MBOAT1: variants seen among roughly 807,000 people sequenced by gnomAD.
The protein encoded by MBOAT1 is membrane-bound glycerophospholipid O-acyltransferase 1.
Under a neutral mutation model 64.4 loss-of-function variants are expected in MBOAT1, and 67 were observed. That is an observed-to-expected ratio of 1.04 (90% CI 0.85 to 1.27). MBOAT1 has a LOEUF of 1.27. Ranked by LOEUF, MBOAT1 falls within the 50% of genes most tolerant of loss-of-function variation. The pLI is 0.00. For missense variants in MBOAT1, 563 were observed against 604.6 expected, an observed-to-expected ratio of 0.93 and a Z score of 0.72; for synonymous variants, 229 against 218.9, an observed-to-expected ratio of 1.05 and a Z score of -0.41.
intron 4 of MBOAT1, among the ~76,000 whole-genome samples, chr6:20,143,792 G>A (rs1381724792): frequency 6.6e-6 from 1 of 152,108 alleles, no homozygotes; most frequent in South Asian, 2.1e-4. Context: ...AACCAACCCT[G>A]AGTTAAGAAC....
At chr6:20,190,143 C>A (rs574071432) in intron 1 of MBOAT1, among the ~76,000 whole-genome samples, 1 of 151,916 alleles carries the variant, frequency 6.6e-6, no homozygotes, top group Non-Finnish European at 1.5e-5. Context: ...TACAGGCACC[C>A]GCCACCATGC....
intron 1 of MBOAT1, among the ~76,000 whole-genome samples, chr6:20,168,086 A>C (rs903119502): frequency 6.6e-6 from 1 of 152,128 alleles, no homozygotes; most frequent in African/African-American, 2.4e-5. Flanking sequence ...TAAATCTAAA[A>C]ACTCAATCAG....
rs181219927 is a variant in MBOAT1 at position 20,169,792 on chromosome 6, G to A, written c.100-17023C>T. 1.7e-3 allele frequency among the ~76,000 whole-genome samples: 262 copies of A among 152,236 alleles called. 1 individual carries two copies. Among genetic ancestry groups the A allele is most frequent in the Middle Eastern group, 0.014 (4 of 294 alleles). Reference sequence around the variant, plus strand: ...CTCCCATCTCTTGATAATTATAGGAGGAAAGAAGGGGGAGGGATTTGTATC... The same window carrying A: ...CTCCCATCTCTTGATAATTATAGGAAGAAAGAAGGGGGAGGGATTTGTATC... On this transcript the variant is annotated intron_variant, in intron 1 of 12. Transcript: ENST00000324607.
At chr6:20,201,230 C>T (rs1166074612) in intron 1 of MBOAT1, among the ~76,000 whole-genome samples, 1 of 151,918 alleles carries the variant, frequency 6.6e-6, no homozygotes, top group African/African-American at 2.4e-5. Flanking sequence ...GCTGGAAGAA[C>T]AGAAACAAAG....
Position 20,101,827 on chromosome 6 carries a change from T to C in MBOAT1, c.*459A>G, listed in dbSNP as rs1759795641. On this transcript the variant is annotated 3_prime_UTR_variant, in exon 13 of 13. Coordinates refer to ENST00000324607, the MANE Select transcript of MBOAT1 (RefSeq NM_001080480.3). ...TCTGTACAAAAAGGCTTTATAAAAA[T>C]ACTCCCGGCCGGGCGCGGTGGCTCA... 6.6e-6 allele frequency among the ~76,000 whole-genome samples: 1 copy of C among 151,868 alleles called. No homozygotes were observed. Among genetic ancestry groups the C allele is most frequent in the South Asian group, 2.1e-4 (1 of 4,822 alleles).
intron 1 of MBOAT1, among the ~76,000 whole-genome samples, chr6:20,210,918 T>C (rs776914822): frequency 6.7e-6 from 1 of 150,248 alleles, no homozygotes; most frequent in African/African-American, 2.5e-5. Context: ...CTAAAGAATT[T>C]GCTATTATGT....
intron 1 of MBOAT1, among the ~76,000 whole-genome samples, chr6:20,206,298 C>A (rs112248124): frequency 1.3e-5 from 2 of 152,138 alleles, no homozygotes; most frequent in African/African-American, 2.4e-5. Context: ...CTCAGCCTCC[C>A]GAGTAGCTAG....
intron 1 of MBOAT1, 63 bp downstream of exon 1, chr6:20,212,073 C>G (rs1763444965): frequency 4.7e-6 from 7 of 1,485,018 alleles, no homozygotes; most frequent in South Asian, 4.7e-5. Context: ...CTAACACTTT[C>G]GCCCGCCCCG....
At chr6:20,110,769 A>G (rs1760114696) in intron 11 of MBOAT1, among the ~76,000 whole-genome samples, 1 of 152,054 alleles carries the variant, frequency 6.6e-6, no homozygotes, top group African/African-American at 2.4e-5. Flanking sequence ...ACTTTTTTCC[A>G]TGCCAGTAAA....
At chr6:20,108,483 A>G (rs1054841388) in intron 12 of MBOAT1, among the ~76,000 whole-genome samples, 5 of 152,184 alleles carry the variant, frequency 3.3e-5, no homozygotes, top group African/African-American at 1.2e-4. Context: ...TGAGTGTTAT[A>G]TGGTTCCCTC....
chr6:20,163,467 C>A (rs947697474), intron 1 of MBOAT1, among the ~76,000 whole-genome samples: 2 of 152,116 alleles, frequency 1.3e-5, no homozygotes, highest in South Asian at 4.1e-4. Context: ...TTCCTTTTAT[C>A]TTGACAACTT....
intron 11 of MBOAT1, among the ~76,000 whole-genome samples, chr6:20,111,166 T>G (rs1760127175): frequency 6.6e-6 from 1 of 151,394 alleles, no homozygotes; most frequent in Non-Finnish European, 1.5e-5. Context: ...TTGTAGATCT[T>G]GTGGCACATG....
At chr6:20,121,623 C>T (rs894877926) in intron 8 of MBOAT1, among the ~76,000 whole-genome samples, 1 of 152,220 alleles carries the variant, frequency 6.6e-6, no homozygotes. Context: ...TTGTCTTGGA[C>T]TTTCCCTATG....
In MBOAT1 at chr6:20,184,880, A is replaced by AGTGT. The variant is rs58865791; in HGVS notation, c.99+27252_99+27255dup. On this transcript the variant is annotated intron_variant, in intron 1 of 12. Coordinates refer to ENST00000324607, the MANE Select transcript of MBOAT1 (RefSeq NM_001080480.3). The stretch of plus-strand genomic sequence containing the variant: ...TATATGTACCTAACATTATAACTGC[A>AGTGT]GTGTGTGTGTGTGTGTGTGTGTGTG... 7.9e-3 allele frequency among the ~76,000 whole-genome samples: 1,129 copies of AGTGT among 142,964 alleles called. 17 individuals are homozygous for AGTGT. The highest frequency in any genetic ancestry group is 0.026 in the African/African-American group (1,002 of 39,208). 93.8% of individuals were successfully genotyped at this position (142,964 alleles called of 152,430 possible). A position where few individuals can be genotyped will look rare whatever the true frequency, so the allele number is the denominator to read the frequency against.
intron 1 of MBOAT1, among the ~76,000 whole-genome samples, chr6:20,163,111 C>T (rs1025086220): frequency 2.6e-5 from 4 of 152,208 alleles, no homozygotes; most frequent in Non-Finnish European, 5.9e-5. Flanking sequence ...ATTGTGCTGT[C>T]TCTTTAGGCT....
At chr6:20,193,353 C>A (rs970014347) in intron 1 of MBOAT1, among the ~76,000 whole-genome samples, 16 of 152,030 alleles carry the variant, frequency 1.1e-4, no homozygotes, top group Admixed American at 6.6e-5. Context: ...CTGGCTTAAA[C>A]AAGATATGCT....
chr6:20,189,818 C>T (rs1156916850), intron 1 of MBOAT1, among the ~76,000 whole-genome samples: 3 of 152,086 alleles, frequency 2.0e-5, no homozygotes, highest in Non-Finnish European at 4.4e-5. Context: ...TTTCACTTAG[C>T]ATAATGTCCC....
intron 1 of MBOAT1, among the ~76,000 whole-genome samples, chr6:20,164,003 A>G (rs902321079): frequency 2.0e-5 from 3 of 152,124 alleles, no homozygotes; most frequent in African/African-American, 4.8e-5. Flanking sequence ...ATCACTACCA[A>G]TGGCATGTTT....
At chr6:20,169,561 G>A (rs1460733092) in intron 1 of MBOAT1, among the ~76,000 whole-genome samples, 2 of 151,174 alleles carry the variant, frequency 1.3e-5, no homozygotes, top group Non-Finnish European at 2.9e-5. Context: ...TATTAAAAAG[G>A]AAACTCTGAT....
Sources: gnomAD v4.1 joint callset for allele counts (sites outside exome capture counted in the v4.1 genomes callset) on GRCh38, gnomAD v4.1.1 for gene constraint, MANE v1.5 for transcripts, NCBI Gene and HGNC (gene_info 2026-07-23, HGNC 2026-07-21) for gene names.